The following LLGL2 variants were observed in gnomAD, a reference collection of about 807,000 sequenced individuals.
The protein encoded by LLGL2 is LLGL scribble cell polarity complex component 2, also known as LLGL2, scribble cell polarity complex component.
A neutral mutation model predicts 123.2 loss-of-function variants in LLGL2; 81 were observed. That is an observed-to-expected ratio of 0.66 (90% CI 0.55 to 0.79). The LOEUF (loss-of-function observed/expected upper bound fraction) is 0.79. Among genes scored for constraint, LLGL2 ranks in the 30% least tolerant of loss-of-function variants. The probability of loss-of-function intolerance (pLI) is 0.00; values close to 1 mark genes in which losing one functional copy is unlikely to be tolerated. For missense variants in LLGL2, 1,273 were observed against 1,414.6 expected (o/e 0.90, Z 1.61); for synonymous variants, 577 against 594.1 (o/e 0.97, Z 0.42).
At position 75,549,367 on chromosome 17, in the gene LLGL2, G is replaced by A. The variant is rs2054565421; in HGVS notation, c.75+5866G>A. Among the ~76,000 whole-genome samples the A allele has an allele frequency of 6.6e-6, 1 of 152,160 alleles. No homozygotes were observed. The highest frequency in any genetic ancestry group is 1.9e-4 in the East Asian group (1 of 5,196). Reference sequence around the variant, plus strand: ...TCGGCCAAACCCAGGCACACCCCAAGCAGCCACACCCATCAGGGCAAACAG... The same window carrying A: ...TCGGCCAAACCCAGGCACACCCCAAACAGCCACACCCATCAGGGCAAACAG... On this transcript the variant is annotated intron_variant, in intron 2 of 25. Coordinates refer to ENST00000392550, the MANE Select transcript of LLGL2 (RefSeq NM_001031803.2). The surrounding 1 kb of genome is among the most constrained non-coding windows in gnomAD (Gnocchi z 4.0).
chr17:75,569,185 C>T (rs768732593), intron 13 of LLGL2, 36 bp from the exon 14 acceptor site: 3 of 1,612,194 alleles, frequency 1.9e-6, no homozygotes, highest in Non-Finnish European at 2.5e-6. Flanking sequence ...GGGTCCTGTC[C>T]CCGTGGCTGC....
intron 9 of LLGL2, 92 bp downstream of exon 9, chr17:75,563,898 G>C (rs1185759840): frequency 2.4e-6 from 3 of 1,270,632 alleles, no homozygotes; most frequent in Non-Finnish European, 3.4e-6. Flanking sequence ...GTTGGTGCCA[G>C]TGAACACTCT....
chr17:75,530,738 G>C (rs540492454), intron 1 of LLGL2, among the ~76,000 whole-genome samples: 18 of 152,088 alleles, frequency 1.2e-4, no homozygotes, highest in Non-Finnish European at 2.4e-4. Context: ...TTGAGCCCAA[G>C]AGTTTGAGGC....
intron 19 of LLGL2, among the ~76,000 whole-genome samples, 178 bp from the exon 20 acceptor site, chr17:75,572,836 A>C (rs950728919): frequency 4.0e-5 from 6 of 151,860 alleles, no homozygotes; most frequent in Admixed American, 2.0e-4. Flanking sequence ...AAAAAAAAAA[A>C]ATCCAGATAG....
chr17:75,532,055 T>TACACAC (rs10526094), intron 1 of LLGL2, among the ~76,000 whole-genome samples: 13 of 93,766 alleles, frequency 1.4e-4, no homozygotes, highest in South Asian at 6.6e-4. Context: ...TATGTATATA[T>TACACAC]ACACACACAC....
intron 21 of LLGL2, 128 bp from the exon 22 acceptor site, chr17:75,573,824 C>G: frequency 7.8e-7 from 1 of 1,276,510 alleles, no homozygotes; most frequent in Non-Finnish European, 1.1e-6. Context: ...GGGCAGGACT[C>G]AGTTTACCTC....
chr17:75,565,569 T>C (rs995850369), intron 10 of LLGL2, among the ~76,000 whole-genome samples: 5 of 152,180 alleles, frequency 3.3e-5, no homozygotes, highest in South Asian at 2.1e-4. Context: ...CCTCTTGGGC[T>C]ATGGTGGCCA....
rs767945152 is a variant in LLGL2, at chr17:75,563,032, C to A, written c.547C>A (p.Arg183Ser). Residue 183 changes from arginine to serine, a missense_variant, in exon 7 of 26, where the codon CGC (arginine) becomes AGC (serine). Physicochemically the swap from Arg to Ser is moderately radical, Grantham distance 110. Transcript: ENST00000392550. ...AVLQRLPEEA[R>S]HRRVFEMVEA... ...CTCGCCCAGGTTGCCAGAGGAGGCC[C>A]GCCACCGGCGTGTGTTCGAGATGGT... 2 of 1,612,398 alleles carry A rather than the reference C, an allele frequency of 1.2e-6. No homozygotes were observed. The highest frequency in any genetic ancestry group is 1.7e-6 in the Non-Finnish European group (2 of 1,180,000).
intron 1 of LLGL2, among the ~76,000 whole-genome samples, chr17:75,532,005 C>A (rs574972805): frequency 6.7e-6 from 1 of 149,516 alleles, no homozygotes; most frequent in East Asian, 2.0e-4. Context: ...ATGAGAGGGA[C>A]ATCTGGGCAC....
In LLGL2 at chr17:75,570,099, T is replaced by C. The variant is rs960914725; in HGVS notation, c.1718T>C (p.Phe573Ser). 3.1e-6 allele frequency: 5 copies of C among 1,609,080 alleles called. No individual in the cohort carries two copies. The highest frequency in any genetic ancestry group is 4.2e-6 in the Non-Finnish European group (5 of 1,178,196). Residue 573 changes from phenylalanine to serine, a missense_variant, in exon 15 of 26, where the codon TTT becomes TCT. By Grantham distance (155) the Phe-to-Ser change is radical. Transcript: ENST00000392550. ...GCAGCCCGCTCAGGGCCCGTGCGCTTTGAGCCTGGCTTTCAGCCCTTCGTG... is the reference window on the plus strand; with the variant it reads ...GCAGCCCGCTCAGGGCCCGTGCGCTCTGAGCCTGGCTTTCAGCCCTTCGTG... ...RLAARSGPVR[F>S]EPGFQPFVLV... is the part of the protein sequence containing the mutation.
intron 21 of LLGL2, 35 bp downstream of exon 21, chr17:75,573,666 C>T: frequency 6.6e-7 from 1 of 1,526,290 alleles, no homozygotes; most frequent in Non-Finnish European, 8.8e-7. Flanking sequence ...TCCCGCCCCT[C>T]CCGCCCCTCC....
Position 75,564,619 on chromosome 17 carries a change from G to C in LLGL2, c.1036+112G>C. The C allele has an allele frequency of 2.0e-6, 3 of 1,524,588 alleles. No individual in the cohort carries two copies. The highest frequency in any genetic ancestry group is 2.7e-6 in the Non-Finnish European group (3 of 1,126,964). The allele number at this position is 1,524,588 out of a possible 1,614,324, so 94.4% of individuals were successfully genotyped here. ...GGCTCCTGCCTGTAACCCCAGTGCT[G>C]TGGGAGGCCAAGGTGGTAGGATCGC... On this transcript the variant is annotated intron_variant, in intron 10 of 25. Transcript: ENST00000392550. This position sits in a 1 kb window ranked among gnomAD's most constrained non-coding sequence, Gnocchi z 4.9.
chr17:75,545,392 C>T (rs1208657281), intron 2 of LLGL2, among the ~76,000 whole-genome samples: 1 of 152,200 alleles, frequency 6.6e-6, no homozygotes, highest in Non-Finnish European at 1.5e-5. Context: ...CCTCTGCCCT[C>T]CACTTTTACA....
Position 75,558,753 on chromosome 17 carries a change from C to T in LLGL2, c.371+126C>T, listed in dbSNP as rs1448452327. 8.1e-6 allele frequency: 6 copies of T among 739,870 alleles called. No individual in the cohort carries two copies. The highest frequency in any genetic ancestry group is 2.7e-5 in the East Asian group (1 of 36,830). The allele number at this position is 739,870 out of a possible 1,614,324, so 45.8% of individuals were successfully genotyped here. On this transcript the variant is annotated intron_variant, in intron 5 of 25. Transcript: ENST00000392550. This position sits in a 1 kb window ranked among gnomAD's most constrained non-coding sequence, Gnocchi z 4.0. ...GGCAGTGACTGGCATGCGTTTGGCCCGATGCATCGCCACACTCAGGTGCTC... is the reference window on the plus strand; with the variant it reads ...GGCAGTGACTGGCATGCGTTTGGCCTGATGCATCGCCACACTCAGGTGCTC...
In LLGL2 at chr17:75,564,450, G is replaced by A. The variant is rs749188667; in HGVS notation, c.979G>A (p.Asp327Asn). ...VIHDGQQTAF[D>N]FTSRVIGFTV... ...CCACGATGGCCAGCAGACGGCCTTC[G>A]ACTTCACCTCCCGTGTCATCGGCTT... Residue 327 changes from aspartate to asparagine, a missense_variant, in exon 10 of 26, where the codon GAC becomes AAC. By Grantham distance (23) the Asp-to-Asn change is conservative (BLOSUM62 1). Transcript: ENST00000392550. This position sits in a 1 kb window ranked among gnomAD's most constrained non-coding sequence, Gnocchi z 4.9. The A allele has an allele frequency of 1.1e-5, 18 of 1,613,374 alleles. No homozygotes were observed. Among genetic ancestry groups the A allele is most frequent in the Middle Eastern group, 1.6e-4 (1 of 6,082 alleles).
At chr17:75,570,780 C>T (rs2055668957) in intron 16 of LLGL2, among the ~76,000 whole-genome samples, 170 bp from the exon 17 acceptor site, 1 of 152,196 alleles carries the variant, frequency 6.6e-6, no homozygotes, top group African/African-American at 2.4e-5. Flanking sequence ...CCCAGGCAGG[C>T]TCCCCCAAGG....
chr17:75,568,453 C>T, intron 10 of LLGL2, 23 bp from the exon 11 acceptor site: 1 of 1,608,512 alleles, frequency 6.2e-7, no homozygotes, highest in Non-Finnish European at 8.5e-7. Context: ...GCCCCGGCCC[C>T]TGACCCTTGC....
chr17:75,558,661 A>G lies in LLGL2; in HGVS notation c.371+34A>G, dbSNP rs1352740194. Reference sequence around the variant, plus strand: ...TCAATCCCCAGCCCCTTCCACTCCCAGCCCAGCCTGACCCTTGCCCTTAGC... The same window carrying G: ...TCAATCCCCAGCCCCTTCCACTCCCGGCCCAGCCTGACCCTTGCCCTTAGC... On this transcript the variant is annotated intron_variant, in intron 5 of 25. Coordinates refer to ENST00000392550, the MANE Select transcript of LLGL2 (RefSeq NM_001031803.2). The surrounding 1 kb of genome is among the most constrained non-coding windows in gnomAD (Gnocchi z 4.0). 6.6e-7 allele frequency: 1 copy of G among 1,511,778 alleles called. No homozygotes were observed. 93.6% of individuals were successfully genotyped at this position (1,511,778 alleles called of 1,614,324 possible). A position where few individuals can be genotyped will look rare whatever the true frequency, so the allele number is the denominator to read the frequency against.
intron 21 of LLGL2, 41 bp from the exon 22 acceptor site, chr17:75,573,911 G>T: frequency 2.6e-6 from 4 of 1,548,878 alleles, no homozygotes; most frequent in Non-Finnish European, 3.5e-6. Flanking sequence ...GCCGGGCAGG[G>T]AGCCCGGGGG....
Sources: allele counts gnomAD v4.1 joint callset (sites outside exome capture counted in the v4.1 genomes callset), GRCh38; gene constraint gnomAD v4.1.1; non-coding constraint Gnocchi (gnomAD v3.1); transcripts MANE v1.5; gene names NCBI Gene and HGNC (gene_info 2026-07-23, HGNC 2026-07-21).